Variants in CELF2 observed in about 807,000 individuals in gnomAD.
CELF2 encodes the protein CUG triplet repeat RNA-binding protein 2.
A neutral mutation model predicts 62.6 loss-of-function variants in CELF2; 8 were observed. The observed-to-expected ratio is 0.13, with a 90% CI of 0.07 to 0.23. The LOEUF is 0.23. Among genes scored for constraint, CELF2 ranks in the 10% least tolerant of loss-of-function variants. CELF2 has a pLI of 1.00. For synonymous variants in CELF2, 258 were observed against 250.0 expected (o/e 1.03, Z -0.30); for missense variants, 333 against 671.0 (o/e 0.50, Z 5.56).
At chr10:10,496,253 G>A in the CELF2 span, among the ~76,000 whole-genome samples, 2 of 152,176 alleles carry the variant, frequency 1.3e-5, no homozygotes, top group African/African-American at 2.4e-5. Context: ...TACTTCATTC[G>A]GTAATTACTG....
At chr10:11,133,172 C>T (rs2059875389) in intron 1 of CELF2, among the ~76,000 whole-genome samples, 1 of 152,170 alleles carries the variant, frequency 6.6e-6, no homozygotes, top group Non-Finnish European at 1.5e-5. Context: ...AGAAGGCAAA[C>T]ACATCTAACT....
intron 9 of CELF2, among the ~76,000 whole-genome samples, chr10:11,308,094 A>G (rs2094358041): frequency 1.3e-5 from 2 of 152,352 alleles, no homozygotes; most frequent in South Asian, 4.1e-4. Context: ...TGAATATGTC[A>G]TCTTACTAAC....
At chr10:10,909,076 C>G (rs1352202470) in intron 1 of CELF2, among the ~76,000 whole-genome samples, 1 of 152,202 alleles carries the variant, frequency 6.6e-6, no homozygotes, top group East Asian at 1.9e-4. Flanking sequence ...AGGCGTGAGC[C>G]ACCATGCCTG....
intron 1 of CELF2, among the ~76,000 whole-genome samples, chr10:11,086,301 T>C (rs1366933342): frequency 6.6e-6 from 1 of 151,912 alleles, no homozygotes; most frequent in Non-Finnish European, 1.5e-5. Context: ...AACAACCGTA[T>C]TTTTCCCTCC....
At chr10:11,295,064 T>C (rs988581792) in intron 9 of CELF2, among the ~76,000 whole-genome samples, 3 of 152,248 alleles carry the variant, frequency 2.0e-5, no homozygotes, top group African/African-American at 7.2e-5. Flanking sequence ...TTTCAACATT[T>C]TACACTGCTT....
the CELF2 span, among the ~76,000 whole-genome samples, chr10:10,750,284 GA>G: frequency 4.0e-3 from 438 of 110,736 alleles, no homozygotes; most frequent in African/African-American, 8.1e-3. Flanking sequence ...CCATCTCAAA[GA>G]AAAAAAAAAA....
chr10:11,025,785 T>C (rs910349768), intron 1 of CELF2, among the ~76,000 whole-genome samples: 4 of 152,260 alleles, frequency 2.6e-5, no homozygotes, highest in Admixed American at 1.3e-4. Context: ...TTTCACATTG[T>C]GACCAAAGAT....
At position 11,039,832 on chromosome 10, in the gene CELF2, G is replaced by A. The variant is rs570301419; in HGVS notation, c.74+21669G>A. 1.3e-5 allele frequency among the ~76,000 whole-genome samples: 2 copies of A among 152,314 alleles called. No homozygotes were observed. Among genetic ancestry groups the A allele is most frequent in the East Asian group, 3.9e-4 (2 of 5,182 alleles). On this transcript the variant is annotated intron_variant, in intron 1 of 12. Transcript: ENST00000633077. The surrounding 1 kb of genome is among the most constrained non-coding windows in gnomAD (Gnocchi z 4.1). The stretch of plus-strand genomic sequence containing the variant: ...CCATGGACCAGAGTAACCTAAAGAT[G>A]CATGTTGGTATATATTTTAATTCCA...
the CELF2 span, among the ~76,000 whole-genome samples, chr10:10,581,722 T>C: frequency 6.6e-6 from 1 of 152,118 alleles, no homozygotes; most frequent in African/African-American, 2.4e-5. Context: ...CACAAATACT[T>C]ACATTAAGAT....
chr10:10,566,918 A>G, the CELF2 span, among the ~76,000 whole-genome samples: 1 of 152,192 alleles, frequency 6.6e-6, no homozygotes, highest in Non-Finnish European at 1.5e-5. Context: ...TACTCAGATT[A>G]TACAAGCTAT....
At chr10:11,222,029 C>A (rs771907243) in intron 3 of CELF2, among the ~76,000 whole-genome samples, 1 of 152,194 alleles carries the variant, frequency 6.6e-6, no homozygotes, top group East Asian at 1.9e-4. Context: ...GTGAATGGGC[C>A]CCTTCCTGGC....
At position 11,319,197 on chromosome 10, in the gene CELF2, C is replaced by T; in HGVS notation, c.1097-1992C>T. 2.3e-6 allele frequency: 1 copy of T among 429,800 alleles called. No individual in the cohort carries two copies. Among genetic ancestry groups the T allele is most frequent in the Non-Finnish European group, 4.8e-6 (1 of 207,848 alleles). The allele number at this position is 429,800 out of a possible 1,614,324, so 26.6% of individuals were successfully genotyped here. A position where few individuals can be genotyped will look rare whatever the true frequency, so the allele number is the denominator to read the frequency against. Reference sequence around the variant, plus strand: ...GAGTGCGATCATCTGTAATCCACAGCACCCGTTAACAGCCTGGCCAAAGTG... The same window carrying T: ...GAGTGCGATCATCTGTAATCCACAGTACCCGTTAACAGCCTGGCCAAAGTG... On this transcript the variant is annotated intron_variant, in intron 10 of 12. Coordinates refer to ENST00000633077, the MANE Select transcript of CELF2 (RefSeq NM_001326342.2). This position sits in a 1 kb window ranked among gnomAD's most constrained non-coding sequence, Gnocchi z 4.4.
intron 2 of CELF2, among the ~76,000 whole-genome samples, chr10:10,955,194 A>G (rs191071727): frequency 5.6e-4 from 85 of 152,372 alleles, no homozygotes; most frequent in Non-Finnish European, 9.3e-4. Flanking sequence ...CTCAGAGGCA[A>G]TAGGTAACCT....
the CELF2 span, among the ~76,000 whole-genome samples, chr10:10,732,608 C>G: frequency 6.7e-6 from 1 of 149,276 alleles, no homozygotes; most frequent in South Asian, 2.1e-4. Context: ...ACTGCAACCT[C>G]TGTCTCCCGG....
the CELF2 span, among the ~76,000 whole-genome samples, chr10:10,643,956 C>A: frequency 6.6e-6 from 1 of 152,162 alleles, no homozygotes; most frequent in South Asian, 2.1e-4. Flanking sequence ...CCCCTGTCTT[C>A]CAAAAGTTAA....
At chr10:11,121,842 G>A (rs1049236722) in intron 1 of CELF2, among the ~76,000 whole-genome samples, 8 of 152,120 alleles carry the variant, frequency 5.3e-5, no homozygotes, top group Admixed American at 3.9e-4. Context: ...ACGGAGCCCA[G>A]CATGCTCAAA....
the CELF2 span, among the ~76,000 whole-genome samples, chr10:10,598,522 T>G: frequency 6.6e-6 from 1 of 152,156 alleles, no homozygotes; most frequent in Non-Finnish European, 1.5e-5. Context: ...TCTGAACTCA[T>G]AGTGCATTGG....
chr10:10,833,275 T>G (rs10905840), intron 1 of CELF2, among the ~76,000 whole-genome samples: 10,317 of 152,238 alleles, frequency 0.068, 469 homozygotes, highest in East Asian at 0.22. Context: ...AATAGCAGAT[T>G]CAGTTCAAAA....
Position 11,260,842 on chromosome 10 carries a change from G to C in CELF2, c.538+2970G>C, listed in dbSNP as rs182024255. Among the ~76,000 whole-genome samples the C allele has an allele frequency of 6.6e-6, 1 of 152,260 alleles. No homozygotes were observed. The highest frequency in any genetic ancestry group is 1.9e-4 in the East Asian group (1 of 5,174). On this transcript the variant is annotated intron_variant, in intron 5 of 12. Transcript: ENST00000633077. This position sits in a 1 kb window ranked among gnomAD's most constrained non-coding sequence, Gnocchi z 4.2. ...CTCCTGGCTACAGGGGCCTGCTCCT[G>C]AATCAGTGTATTTGTTAAAAGCACA...
Sources: gnomAD v4.1 joint callset for allele counts (sites outside exome capture counted in the v4.1 genomes callset) on GRCh38, gnomAD v4.1.1 for gene constraint, Gnocchi (gnomAD v3.1) non-coding constraint, MANE v1.5 for transcripts, NCBI Gene and HGNC (gene_info 2026-07-23, HGNC 2026-07-21) for gene names.